The following GSK3A variants were observed in gnomAD, a reference collection of about 807,000 sequenced individuals.
The protein encoded by GSK3A is glycogen synthase kinase 3 alpha, also known as glycogen synthase kinase-3 alpha.
A neutral mutation model predicts 56.6 loss-of-function variants in GSK3A; 14 were observed. That is an observed-to-expected ratio of 0.25 (90% CI 0.16 to 0.39). GSK3A has a LOEUF of 0.39. Among genes scored for constraint, GSK3A ranks in the 10% least tolerant of loss-of-function variants. The probability of loss-of-function intolerance (pLI) is 1.00; values close to 1 mark genes in which losing one functional copy is unlikely to be tolerated. For synonymous variants in GSK3A, 301 were observed against 285.0 expected (o/e 1.06, Z -0.56); for missense variants, 450 against 656.0 (o/e 0.69, Z 3.43).
Position 42,234,886 on chromosome 19 carries a change from T to C in GSK3A, c.667-208A>G, listed in dbSNP as rs1599810824. Among the ~76,000 whole-genome samples the C allele has an allele frequency of 6.6e-6, 1 of 152,192 alleles. No individual in the cohort carries two copies. Among genetic ancestry groups the C allele is most frequent in the Non-Finnish European group, 1.5e-5 (1 of 68,034 alleles). ...TAAAACAGGGACTACTGGCTGGGCG[T>C]GGCGGGTCACGCCTGTAATCCCGGT... On this transcript the variant is annotated intron_variant, in intron 4 of 10. Coordinates refer to ENST00000222330, the MANE Select transcript of GSK3A (RefSeq NM_019884.3). This position sits in a 1 kb window ranked among gnomAD's most constrained non-coding sequence, Gnocchi z 5.7.
chr19:42,240,407 A>C, intron 1 of GSK3A: 2 of 580,540 alleles, frequency 3.4e-6, no homozygotes. Flanking sequence ...GGCAACCCCA[A>C]ATTTCTACTT....
intron 1 of GSK3A, 116 bp from the exon 2 acceptor site, chr19:42,240,258 T>C: frequency 1.1e-6 from 1 of 884,332 alleles, no homozygotes; most frequent in Non-Finnish European, 1.9e-6. Context: ...GACCTCTTTG[T>C]CCCCTCCTCC....
In GSK3A at chr19:42,230,788, G is replaced by C; in HGVS notation, c.*6C>G. ...GATGGAAGTGGAAGGGTGCTTGGTG[G>C]GGCCCTCAGGAGGAGTTAGTGAGGG... On this transcript the variant is annotated 3_prime_UTR_variant, in exon 11 of 11. Coordinates refer to ENST00000222330, the MANE Select transcript of GSK3A (RefSeq NM_019884.3). 8 of 1,550,478 alleles carry C rather than the reference G, an allele frequency of 5.2e-6. No individual in the cohort carries two copies. Among genetic ancestry groups the C allele is most frequent in the Non-Finnish European group, 7.0e-6 (8 of 1,143,694 alleles).
intron 8 of GSK3A, 59 bp from the exon 9 acceptor site, chr19:42,232,741 G>C: frequency 7.4e-7 from 1 of 1,357,292 alleles, no homozygotes. Flanking sequence ...GCATACTCCT[G>C]TTATCTCACT....
chr19:42,232,560 T>C lies in GSK3A; in HGVS notation c.1221A>G (p.Arg407=). The change falls in exon 9 of 11, where the codon CGA becomes CGG. Residue 407 remains arginine (R), a synonymous_variant. Transcript: ENST00000222330. ...ACAHSFFDEL[R]CLGTQLPNNR... ...TGTTAGGCAGCTGGGTTCCCAGACA[T>C]CGCAGTTCATCAAAGAAGCTGTGCG... The C allele has an allele frequency of 6.2e-7, 1 of 1,614,058 alleles. No individual in the cohort carries two copies. Among genetic ancestry groups the C allele is most frequent in the East Asian group, 2.2e-5 (1 of 44,878 alleles).
rs773733043 is a variant in GSK3A, at chr19:42,242,171, A to G, written c.283+12T>C. Reference sequence around the variant, plus strand: ...CTAATCACCACCCTACACGGGCGCCACTAGTACTCACGGCCCAGCTTCACC... The same window carrying G: ...CTAATCACCACCCTACACGGGCGCCGCTAGTACTCACGGCCCAGCTTCACC... On this transcript the variant is annotated intron_variant, in intron 1 of 10. Transcript: ENST00000222330. 1 of 1,393,068 alleles carries G rather than the reference A, an allele frequency of 7.2e-7. No individual in the cohort carries two copies. The highest frequency in any genetic ancestry group is 9.3e-7 in the Non-Finnish European group (1 of 1,076,982). 86.3% of individuals were successfully genotyped at this position (1,393,068 alleles called of 1,614,324 possible).
rs1344707457 is a variant in GSK3A, at chr19:42,230,434, CAGGGA to C, written c.*355_*359del. ...TAACAATCTATTTACACCCGGGGGCCAGGGAAGGGAAGAGGAGACGGGCTGGGCTG... is the reference window on the plus strand; with the variant it reads ...TAACAATCTATTTACACCCGGGGGCCAGGGAAGAGGAGACGGGCTGGGCTG... On this transcript the variant is annotated 3_prime_UTR_variant, in exon 11 of 11. Transcript: ENST00000222330. 1.0e-5 allele frequency: 3 copies of C among 291,760 alleles called. No homozygotes were observed. Among genetic ancestry groups the C allele is most frequent in the Non-Finnish European group, 1.9e-5 (3 of 156,132 alleles). 18.1% of individuals were successfully genotyped at this position (291,760 alleles called of 1,614,324 possible).
At chr19:42,231,019 G>A (rs1332762505) in intron 10 of GSK3A, 152 bp from the exon 11 acceptor site, 3 of 669,660 alleles carry the variant, frequency 4.5e-6, no homozygotes, top group Non-Finnish European at 8.2e-6. Flanking sequence ...AAGTGCTAAA[G>A]GGCCACGATA....
Position 42,232,804 on chromosome 19 carries a change from C to T in GSK3A, c.1099-122G>A, listed in dbSNP as rs186293648. On this transcript the variant is annotated intron_variant, in intron 8 of 10. Transcript: ENST00000222330. Reference sequence around the variant, plus strand: ...TGGTTGCTTCCCACACCCCCACCTTCCAAATGAAGAAACTAAGGCCCAACC... The same window carrying T: ...TGGTTGCTTCCCACACCCCCACCTTTCAAATGAAGAAACTAAGGCCCAACC... The T allele has an allele frequency of 3.5e-3, 2,885 of 816,664 alleles. 7 individuals are homozygous for T. Among genetic ancestry groups the T allele is most frequent in the Middle Eastern group, 9.2e-3 (25 of 2,722 alleles). 50.6% of individuals were successfully genotyped at this position (816,664 alleles called of 1,614,324 possible).
Position 42,234,773 on chromosome 19 carries a change from A to C in GSK3A, c.667-95T>G. 1 of 1,282,210 alleles carries C rather than the reference A, an allele frequency of 7.8e-7. No homozygotes were observed. The highest frequency in any genetic ancestry group is 1.0e-6 in the Non-Finnish European group (1 of 957,644). 79.4% of individuals were successfully genotyped at this position (1,282,210 alleles called of 1,614,324 possible). A position where few individuals can be genotyped will look rare whatever the true frequency, so the allele number is the denominator to read the frequency against. ...TGGCCTGAAGAGCCCTTCCAGGCCCACTCTCCCTGCTGCCCCCACAGCTTT... is the reference window on the plus strand; with the variant it reads ...TGGCCTGAAGAGCCCTTCCAGGCCCCCTCTCCCTGCTGCCCCCACAGCTTT... On this transcript the variant is annotated intron_variant, in intron 4 of 10. Coordinates refer to ENST00000222330, the MANE Select transcript of GSK3A (RefSeq NM_019884.3). This position sits in a 1 kb window ranked among gnomAD's most constrained non-coding sequence, Gnocchi z 5.7.
intron 2 of GSK3A, among the ~76,000 whole-genome samples, chr19:42,238,272 T>C (rs2036270255): frequency 6.6e-6 from 1 of 151,208 alleles, no homozygotes; most frequent in African/African-American, 2.4e-5. Context: ...AAGAATTGCT[T>C]GAACCCAGGA....
chr19:42,239,471 C>A (rs754799340), intron 2 of GSK3A, among the ~76,000 whole-genome samples: 11 of 152,212 alleles, frequency 7.2e-5, no homozygotes, highest in Non-Finnish European at 1.3e-4. Context: ...TCTGCGCTGG[C>A]CAAACACCTG....
Position 42,232,504 on chromosome 19 carries a change from C to T in GSK3A, c.1277G>A (p.Ser426Asn). ...NRPLPPLFNF[S>N]AGELSIQPSL... Reference sequence around the variant, plus strand: ...CCAGGCTATGCCCTCACCACCAGCACTGAAGTTGAAGAGAGGGGGAAGTGG... The same window carrying T: ...CCAGGCTATGCCCTCACCACCAGCATTGAAGTTGAAGAGAGGGGGAAGTGG... Residue 426 changes from serine to asparagine, a missense_variant, in exon 9 of 11, where the codon AGT becomes AAT. Physicochemically the swap from Ser to Asn is conservative, Grantham distance 46. Coordinates refer to ENST00000222330, the MANE Select transcript of GSK3A (RefSeq NM_019884.3). The T allele has an allele frequency of 6.2e-7, 1 of 1,614,086 alleles. No individual in the cohort carries two copies. Among genetic ancestry groups the T allele is most frequent in the Non-Finnish European group, 8.5e-7 (1 of 1,179,980 alleles).
chr19:42,236,477 A>G, intron 4 of GSK3A, 129 bp downstream of exon 4: 3 of 695,014 alleles, frequency 4.3e-6, no homozygotes, highest in Admixed American at 4.3e-5. Flanking sequence ...TATGGGAACA[A>G]CAGCAGGGGA....
chr19:42,242,563 G>T lies in GSK3A; in HGVS notation c.-98C>A. On this transcript the variant is annotated 5_prime_UTR_variant, in exon 1 of 11. It adds an upstream start codon to the 5' untranslated region. Transcript: ENST00000222330. Reference sequence around the variant, plus strand: ...CTCCCCCGGGCCCTGGCCTCTTCCAGGCCGCGCCGCTCTGGCTTGGGCTCC... The same window carrying T: ...CTCCCCCGGGCCCTGGCCTCTTCCATGCCGCGCCGCTCTGGCTTGGGCTCC... 1.1e-6 allele frequency: 1 copy of T among 945,074 alleles called. No homozygotes were observed. Among genetic ancestry groups the T allele is most frequent in the Non-Finnish European group, 1.3e-6 (1 of 765,068 alleles). The allele number at this position is 945,074 out of a possible 1,614,324, so 58.5% of individuals were successfully genotyped here.
At chr19:42,242,157 C>A in intron 1 of GSK3A, 26 bp downstream of exon 1, 1 of 1,349,406 alleles carries the variant, frequency 7.4e-7, no homozygotes, top group Non-Finnish European at 9.5e-7. Flanking sequence ...TAATCACCAC[C>A]CTACACGGGC....
chr19:42,237,636 G>C (rs923547336), intron 2 of GSK3A, among the ~76,000 whole-genome samples: 2 of 151,346 alleles, frequency 1.3e-5, no homozygotes, highest in African/African-American at 4.8e-5. Context: ...CCAGCACTTT[G>C]GGAGGCTGAG....
chr19:42,231,090 A>C (rs976186364), intron 10 of GSK3A, among the ~76,000 whole-genome samples: 1 of 152,230 alleles, frequency 6.6e-6, no homozygotes, highest in African/African-American at 2.4e-5. Flanking sequence ...GGCTGGGCAC[A>C]GTGGCTCACG....
chr19:42,231,298 T>C (rs115890121), intron 10 of GSK3A, among the ~76,000 whole-genome samples: 3 of 152,050 alleles, frequency 2.0e-5, no homozygotes, highest in Non-Finnish European at 4.4e-5. Context: ...AGGCAGAAGT[T>C]GGAGTGAGCC....
Sources: gnomAD v4.1 joint callset for allele counts (sites outside exome capture counted in the v4.1 genomes callset) on GRCh38, gnomAD v4.1.1 for gene constraint, Gnocchi (gnomAD v3.1) non-coding constraint, MANE v1.5 for transcripts, NCBI Gene and HGNC (gene_info 2026-07-23, HGNC 2026-07-21) for gene names.